Variants in EPHB2 observed in about 807,000 individuals in gnomAD.
The protein encoded by EPHB2 is ephrin type-B receptor 2.
A neutral mutation model predicts 96.4 loss-of-function variants in EPHB2; 18 were observed. The ratio of observed to expected loss-of-function variants is 0.19; its 90% CI spans 0.13 to 0.28. The LOEUF is 0.28. Ranked by LOEUF, EPHB2 falls within the 10% of genes least tolerant of loss-of-function variation. The pLI is 1.00. For missense variants in EPHB2, 989 were observed against 1,355.4 expected (o/e 0.73, Z 4.25); for synonymous variants, 506 against 534.1 (o/e 0.95, Z 0.72).
intron 5 of EPHB2, among the ~76,000 whole-genome samples, chr1:22,871,522 A>G (rs1005799789): frequency 1.3e-5 from 2 of 152,166 alleles, no homozygotes; most frequent in Admixed American, 1.3e-4. Flanking sequence ...CAGTTCCATC[A>G]CCTACAAAAT....
intron 1 of EPHB2, among the ~76,000 whole-genome samples, chr1:22,741,897 C>T (rs895285172): frequency 6.6e-6 from 1 of 151,966 alleles, no homozygotes; most frequent in Non-Finnish European, 1.5e-5. Context: ...AGACACCTGC[C>T]CCCAATGGGG....
chr1:22,887,949 C>A (rs1639277111), intron 6 of EPHB2, among the ~76,000 whole-genome samples: 1 of 152,096 alleles, frequency 6.6e-6, no homozygotes, highest in African/African-American at 2.4e-5. Flanking sequence ...AGAGGTTTGT[C>A]CACTCATTCA....
chr1:22,765,757 G>A (rs981700825), intron 1 of EPHB2, among the ~76,000 whole-genome samples: 1 of 152,032 alleles, frequency 6.6e-6, no homozygotes, highest in African/African-American at 2.4e-5. Context: ...ATTGGGTGCA[G>A]AGATTGCTGC....
chr1:22,793,195 A>T (rs1044961643), intron 3 of EPHB2, among the ~76,000 whole-genome samples: 2 of 152,166 alleles, frequency 1.3e-5, no homozygotes, highest in African/African-American at 4.8e-5. Context: ...ATATGGGACA[A>T]TTTGGGCTTC....
chr1:22,806,856 AAC>A (rs931403978), intron 3 of EPHB2, among the ~76,000 whole-genome samples: 1 of 152,190 alleles, frequency 6.6e-6, no homozygotes, highest in Admixed American at 6.5e-5. Context: ...CCTGTTTGCA[AAC>A]ACACAGCTGC....
intron 9 of EPHB2, 69 bp from the exon 10 acceptor site, chr1:22,905,918 G>A: frequency 6.2e-7 from 1 of 1,611,974 alleles, no homozygotes; most frequent in Non-Finnish European, 8.5e-7. Context: ...GGAGGGACTG[G>A]CTCCCGCTTT....
chr1:22,766,727 C>T (rs1048647806), intron 1 of EPHB2, among the ~76,000 whole-genome samples: 2 of 152,204 alleles, frequency 1.3e-5, no homozygotes, highest in African/African-American at 2.4e-5. Flanking sequence ...GGATGCGAGC[C>T]AGCGTGGTGA....
At chr1:22,890,534 C>T (rs1639357184) in intron 6 of EPHB2, among the ~76,000 whole-genome samples, 1 of 152,130 alleles carries the variant, frequency 6.6e-6, no homozygotes, top group Non-Finnish European at 1.5e-5. Context: ...ACATCTTTGT[C>T]TGGGTGGTTC....
intron 3 of EPHB2, among the ~76,000 whole-genome samples, chr1:22,803,507 TGAG>T (rs1644874611): frequency 6.6e-6 from 1 of 151,536 alleles, no homozygotes; most frequent in Admixed American, 6.6e-5. Context: ...CTAGGGAGGC[TGAG>T]GTGGGAGGAT....
intron 9 of EPHB2, among the ~76,000 whole-genome samples, chr1:22,896,997 G>A (rs1283842457): frequency 6.6e-6 from 1 of 152,204 alleles, no homozygotes; most frequent in South Asian, 2.1e-4. Context: ...TCTGGCCCAG[G>A]AGGTGAGAAA....
chr1:22,907,608 C>T (rs1639959708), intron 11 of EPHB2, among the ~76,000 whole-genome samples: 1 of 152,228 alleles, frequency 6.6e-6, no homozygotes, highest in Admixed American at 6.5e-5. Flanking sequence ...TCTTGTATAA[C>T]CCAGAATAGC....
chr1:22,839,558 A>G (rs1645435561), intron 3 of EPHB2, among the ~76,000 whole-genome samples: 1 of 152,174 alleles, frequency 6.6e-6, no homozygotes, highest in Non-Finnish European at 1.5e-5. Flanking sequence ...GAAGAGAACA[A>G]CCTGGCTATT....
chr1:22,830,971 G>T (rs1266438752), intron 3 of EPHB2, among the ~76,000 whole-genome samples: 1 of 152,232 alleles, frequency 6.6e-6, no homozygotes, highest in African/African-American at 2.4e-5. Context: ...CATTTCAAAT[G>T]TAGAATGGCC....
At chr1:22,777,200 T>C (rs755976490) in intron 1 of EPHB2, among the ~76,000 whole-genome samples, 6 of 152,184 alleles carry the variant, frequency 3.9e-5, no homozygotes, top group Non-Finnish European at 5.9e-5. Context: ...AAACACCACA[T>C]TGTCTGTGCG....
chr1:22,912,840 C>T (rs1640152758), intron 15 of EPHB2: 1 of 554,172 alleles, frequency 1.8e-6, no homozygotes, highest in Non-Finnish European at 3.3e-6. Flanking sequence ...GTTTTCTCAC[C>T]TACAAACTGG....
At chr1:22,823,302 A>G in intron 3 of EPHB2, among the ~76,000 whole-genome samples, 1 of 152,214 alleles carries the variant, frequency 6.6e-6, no homozygotes, top group Non-Finnish European at 1.5e-5. Context: ...CACCTCCTCC[A>G]GGAAGCCTTC....
At chr1:22,811,478 T>A (rs1448070854) in intron 3 of EPHB2, among the ~76,000 whole-genome samples, 1 of 152,218 alleles carries the variant, frequency 6.6e-6, no homozygotes, top group Non-Finnish European at 1.5e-5. Context: ...CCCAAGCTTG[T>A]CTGTCCTCAT....
intron 3 of EPHB2, among the ~76,000 whole-genome samples, chr1:22,787,383 G>A (rs1240806757): frequency 6.6e-6 from 1 of 152,172 alleles, no homozygotes; most frequent in Non-Finnish European, 1.5e-5. Context: ...GGCTGGAGGA[G>A]GGATGTAGGA....
chr1:22,714,655 C>G (rs1267134534), intron 1 of EPHB2, among the ~76,000 whole-genome samples: 2 of 152,094 alleles, frequency 1.3e-5, no homozygotes, highest in Non-Finnish European at 2.9e-5. Context: ...TATCAAGGGA[C>G]CTGGCCAGAT....
Sources: allele counts gnomAD v4.1 joint callset (sites outside exome capture counted in the v4.1 genomes callset), GRCh38; gene constraint gnomAD v4.1.1; transcripts MANE v1.5; gene names NCBI Gene and HGNC (gene_info 2026-07-23, HGNC 2026-07-21).